NEB: variants seen among roughly 807,000 people sequenced by gnomAD.
The protein encoded by NEB is nebulin, also known as nemaline myopathy type 2.
A neutral mutation model predicts 952.2 loss-of-function variants in NEB; 512 were observed. The ratio of observed to expected loss-of-function variants is 0.54; its 90% CI spans 0.50 to 0.58. NEB has a LOEUF of 0.58. Among genes scored for constraint, NEB ranks in the 20% least tolerant of loss-of-function variants. The pLI, the probability that NEB is intolerant of heterozygous loss-of-function variation, is 0.00. For synonymous variants in NEB, 2,900 were observed against 3,149.8 expected (o/e 0.92, Z 2.66); for missense variants, 8,428 against 9,231.1 (o/e 0.91, Z 3.56).
At chr2:151,635,870 T>C (rs886924892) in intron 64 of NEB, among the ~76,000 whole-genome samples, 2 of 152,236 alleles carry the variant, frequency 1.3e-5, no homozygotes, top group Non-Finnish European at 2.9e-5. Flanking sequence ...TGAATCTCAC[T>C]GGCAGAACCT....
chr2:151,537,370 T>C (rs2093357026), intron 140 of NEB, 134 bp from the exon 141 acceptor site: 2 of 575,076 alleles, frequency 3.5e-6, no homozygotes, highest in Non-Finnish European at 6.2e-6. Flanking sequence ...AAAACAATTA[T>C]TTAAAAGACA....
At chr2:151,516,646 A>G in intron 156 of NEB, 83 bp from the exon 157 acceptor site, 1 of 891,102 alleles carries the variant, frequency 1.1e-6, no homozygotes, top group South Asian at 1.4e-5. Context: ...TTTAATTGAT[A>G]TGTTCTGTCA....
At position 151,503,408 on chromosome 2, in the gene NEB, G is replaced by A. The variant is rs193224180; in HGVS notation, c.23776C>T (p.Pro7926Ser). The change falls in exon 166 of 182, where the codon CCA becomes TCA. Residue 7926 changes from proline (P) to serine (S), a missense_variant. Physicochemically the swap from Pro to Ser is moderately conservative, Grantham distance 74. Around this residue, in one of 11 missense-constraint regions of NEB, gnomAD observed 3,374 missense variants for 3,651.5 expected, o/e 0.92. Coordinates refer to ENST00000397345, the MANE Select transcript of NEB (RefSeq NM_001164508.2). Reference protein sequence around the residue: ...MYKENLGTGIPTTVTPEIERV... With the variant: ...MYKENLGTGISTTVTPEIERV... ...TCAATCTCTGGAGTCACAGTGGTTG[G>A]AATGCCTGTTCCCAAGTTTTCTTTG... 1.8e-3 allele frequency: 2,924 copies of A among 1,612,560 alleles called. 6 individuals carry two copies. The highest frequency in any genetic ancestry group is 2.3e-3 in the Non-Finnish European group (2,706 of 1,178,790).
In NEB at chr2:151,501,431, T is replaced by A; in HGVS notation, c.23981A>T (p.Glu7994Val). Residue 7994 changes from glutamate to valine, a missense_variant, in exon 168 of 182, where the codon GAG (glutamate) becomes GTG (valine). Glu to Val is a moderately radical substitution (Grantham distance 121). This residue lies in a region of NEB where 3,374 missense variants were observed against 3,651.5 expected (regional missense o/e 0.92). Coordinates refer to ENST00000397345, the MANE Select transcript of NEB (RefSeq NM_001164508.2). ...TTGATTGAGTTTGACTCGCTCCATC[T>A]CAGGAGTGACAGGTAGGGGAGTCCC... ...SKGTPLPVTP[E>V]MERVKLNQEN... 1 of 1,548,314 alleles carries A rather than the reference T, an allele frequency of 6.5e-7. No homozygotes were observed. The highest frequency in any genetic ancestry group is 8.7e-7 in the Non-Finnish European group (1 of 1,144,968).
At chr2:151,664,734 C>A (rs1469491441) in intron 43 of NEB, 25 bp downstream of exon 43, 1 of 1,578,068 alleles carries the variant, frequency 6.3e-7, no homozygotes, top group Non-Finnish European at 8.7e-7. Flanking sequence ...TTCTCCCCAG[C>A]TTTTGCTGTT....
chr2:151,529,656 G>A (rs1036452387), intron 145 of NEB, among the ~76,000 whole-genome samples: 6 of 151,886 alleles, frequency 4.0e-5, no homozygotes, highest in Non-Finnish European at 7.4e-5. Context: ...TCAGCCTCCT[G>A]AGTACCTGGG....
chr2:151,656,699 T>C (rs377130044), intron 48 of NEB, among the ~76,000 whole-genome samples: 2 of 152,190 alleles, frequency 1.3e-5, no homozygotes, highest in Non-Finnish European at 2.9e-5. Flanking sequence ...TATAGATGAA[T>C]AAGCTGAGAC....
chr2:151,550,791 A>G (rs1000802142), intron 129 of NEB, among the ~76,000 whole-genome samples: 1 of 151,252 alleles, frequency 6.6e-6, no homozygotes, highest in African/African-American at 2.4e-5. Flanking sequence ...GGTGCATGCC[A>G]CTATGCCTGG....
intron 161 of NEB, among the ~76,000 whole-genome samples, chr2:151,508,448 G>A (rs77622515): frequency 0.015 from 2,229 of 152,338 alleles, 78 homozygotes; most frequent in East Asian, 0.14. Context: ...TCCAGTGGCA[G>A]TAGTCCTCGC....
intron 13 of NEB, among the ~76,000 whole-genome samples, chr2:151,705,143 T>A (rs1485545184): frequency 6.6e-6 from 1 of 152,142 alleles, no homozygotes; most frequent in Non-Finnish European, 1.5e-5. Context: ...AAGAAATCTC[T>A]TATTATACAA....
intron 63 of NEB, 28 bp downstream of exon 63, chr2:151,639,252 G>T: frequency 6.8e-7 from 1 of 1,470,378 alleles, no homozygotes; most frequent in Non-Finnish European, 9.2e-7. Context: ...AAGCAGCAGT[G>T]TGCAAATGTC....
chr2:151,579,410 C>A lies in NEB; in HGVS notation c.16632G>T (p.Leu5544=). 2 of 1,531,520 alleles carry A rather than the reference C, an allele frequency of 1.3e-6. No individual in the cohort carries two copies. Among genetic ancestry groups the A allele is most frequent in the Non-Finnish European group, 1.8e-6 (2 of 1,133,970 alleles). 94.9% of individuals were successfully genotyped at this position (1,531,520 alleles called of 1,614,324 possible). A position where few individuals can be genotyped will look rare whatever the true frequency, so the allele number is the denominator to read the frequency against. The change falls in exon 105 of 182, where the codon CTG becomes CTT. Residue 5544 remains leucine, a synonymous_variant. Transcript: ENST00000397345. ...GGTCGGGAAAGCAAGACCAGCGGTG[C>A]AGGTAATGGCGATAGTCCACATCAC... The part of the protein sequence containing the change: ...LASDVDYRHY[L]HRWSCFPDQN...
At chr2:151,550,668 C>T (rs929528350) in intron 129 of NEB, among the ~76,000 whole-genome samples, 29 of 152,096 alleles carry the variant, frequency 1.9e-4, no homozygotes, top group African/African-American at 6.8e-4. Context: ...GACAGGGTCT[C>T]ACTGTGTCAC....
At chr2:151,505,439 G>C (rs769111232) in intron 165 of NEB, 39 bp downstream of exon 165, 1 of 1,520,950 alleles carries the variant, frequency 6.6e-7, no homozygotes, top group South Asian at 1.1e-5. Flanking sequence ...TTGAGAGATG[G>C]CCAGTCACAC....
intron 9 of NEB, among the ~76,000 whole-genome samples, chr2:151,717,832 C>T (rs2099763249): frequency 6.7e-6 from 1 of 149,378 alleles, no homozygotes; most frequent in South Asian, 2.1e-4. Flanking sequence ...CTTGGATCGA[C>T]TTGACCATAT....
chr2:151,609,791 A>C lies in NEB; in HGVS notation c.12330+18T>G. On this transcript the variant is annotated intron_variant, in intron 81 of 181. Coordinates refer to ENST00000397345, the MANE Select transcript of NEB (RefSeq NM_001164508.2). ...TACATCTTCCCCTTCCCCCTTTCCC[A>C]AAATTCATGTTACGTACATCACTCT... 1 of 1,548,560 alleles carries C rather than the reference A, an allele frequency of 6.5e-7. No homozygotes were observed. Among genetic ancestry groups the C allele is most frequent in the Non-Finnish European group, 8.7e-7 (1 of 1,148,462 alleles).
rs1202510810 is a variant in NEB, at chr2:151,501,426, C to T, written c.23986G>A (p.Glu7996Lys). 1.4e-5 allele frequency: 21 copies of T among 1,549,024 alleles called. No homozygotes were observed. The Admixed American group carries it at 2.9e-4, about 22-fold the overall frequency. Residue 7996 changes from glutamate (E) to lysine (K), a missense_variant, in exon 168 of 182, where the codon GAG becomes AAG. Transcript: ENST00000397345. ...GTPLPVTPEMERVKLNQENFS... is the reference protein window; with the variant it reads ...GTPLPVTPEMKRVKLNQENFS... ...TTTTCTTGATTGAGTTTGACTCGCTCCATCTCAGGAGTGACAGGTAGGGGA... is the reference window on the plus strand; with the variant it reads ...TTTTCTTGATTGAGTTTGACTCGCTTCATCTCAGGAGTGACAGGTAGGGGA...
chr2:151,722,995 T>C (rs972718088), intron 9 of NEB, among the ~76,000 whole-genome samples: 2 of 152,276 alleles, frequency 1.3e-5, no homozygotes, highest in East Asian at 1.9e-4. Flanking sequence ...GTGGCTATGA[T>C]TACAATAGGT....
intron 71 of NEB, among the ~76,000 whole-genome samples, chr2:151,624,410 C>CT (rs1283519005): frequency 2.0e-5 from 3 of 152,110 alleles, no homozygotes; most frequent in Admixed American, 6.5e-5. Context: ...GGAATAGAAA[C>CT]TAACTTCATC....
Sources: allele counts gnomAD v4.1 joint callset (sites outside exome capture counted in the v4.1 genomes callset), GRCh38; gene constraint gnomAD v4.1.1; regional missense constraint gnomAD v4.1.1; transcripts MANE v1.5; gene names NCBI Gene and HGNC (gene_info 2026-07-23, HGNC 2026-07-21).